SEMA6D: variants seen among roughly 807,000 people sequenced by gnomAD.
SEMA6D encodes semaphorin-6D.
In SEMA6D, 35 loss-of-function variants were observed where a neutral mutation model predicts 106.6. The observed-to-expected ratio is 0.33, with a 90% CI of 0.25 to 0.44. The LOEUF (loss-of-function observed/expected upper bound fraction) is 0.44. Among genes scored for constraint, SEMA6D ranks in the 20% least tolerant of loss-of-function variants. SEMA6D has a pLI of 1.00. For synonymous variants in SEMA6D, 499 were observed against 487.7 expected (o/e 1.02, Z -0.31); for missense variants, 1,185 against 1,345.9 (o/e 0.88, Z 1.87).
intron 1 of SEMA6D, among the ~76,000 whole-genome samples, chr15:47,741,001 CA>C: frequency 6.6e-6 from 1 of 152,194 alleles, no homozygotes; most frequent in African/African-American, 2.4e-5. Context: ...ATTTTTCTGA[CA>C]CAGTTACCTG....
chr15:47,438,760 G>A (rs1187417970), intron 2 of SEMA6D, among the ~76,000 whole-genome samples: 1 of 151,454 alleles, frequency 6.6e-6, no homozygotes, highest in Non-Finnish European at 1.5e-5. Flanking sequence ...TGCTTGTTCA[G>A]GTAATTTTCT....
chr15:47,190,269 A>T (rs1453601269), intron 1 of SEMA6D, among the ~76,000 whole-genome samples: 1 of 152,126 alleles, frequency 6.6e-6, no homozygotes, highest in Admixed American at 6.5e-5. Flanking sequence ...TTGAGTTTGA[A>T]CTCCAAGATT....
chr15:47,735,781 C>G (rs1457893246), intron 1 of SEMA6D, among the ~76,000 whole-genome samples: 1 of 152,158 alleles, frequency 6.6e-6, no homozygotes, highest in African/African-American at 2.4e-5. Context: ...GGGAGCTTTT[C>G]CGTAATGGTG....
At chr15:47,711,039 G>A (rs1005393901) in intron 4 of SEMA6D, among the ~76,000 whole-genome samples, 1 of 152,048 alleles carries the variant, frequency 6.6e-6, no homozygotes, top group African/African-American at 2.4e-5. Flanking sequence ...GCCGGGCGCG[G>A]TGGCTCACGC....
chr15:47,609,042 G>A (rs1181689550), intron 4 of SEMA6D, among the ~76,000 whole-genome samples: 1 of 152,062 alleles, frequency 6.6e-6, no homozygotes, highest in African/African-American at 2.4e-5. Context: ...TATATTCATT[G>A]AACTTACATA....
intron 1 of SEMA6D, among the ~76,000 whole-genome samples, chr15:47,304,009 G>T (rs1291154420): frequency 6.6e-6 from 1 of 152,166 alleles, no homozygotes; most frequent in East Asian, 1.9e-4. Context: ...CTGATCAAAT[G>T]TGGAGGGTGT....
chr15:47,718,724 T>G (rs549131272), intron 1 of SEMA6D: 1 of 152,370 alleles, frequency 6.6e-6, no homozygotes, highest in African/African-American at 2.4e-5. Context: ...ATGTGTTACG[T>G]TCTCATCTCC....
At chr15:47,240,253 G>A (rs2032822332) in intron 1 of SEMA6D, among the ~76,000 whole-genome samples, 2 of 152,122 alleles carry the variant, frequency 1.3e-5, no homozygotes, top group African/African-American at 4.8e-5. Context: ...AGACTTATAG[G>A]TTTTTGGCTT....
intron 4 of SEMA6D, among the ~76,000 whole-genome samples, chr15:47,651,617 GC>G (rs1158082858): frequency 1.3e-5 from 2 of 152,182 alleles, no homozygotes; most frequent in Non-Finnish European, 2.9e-5. Context: ...CACATACCCT[GC>G]CCCTGTTTTC....
At chr15:47,733,594 G>A (rs2080269501) in intron 1 of SEMA6D, among the ~76,000 whole-genome samples, 1 of 152,126 alleles carries the variant, frequency 6.6e-6, no homozygotes, top group Non-Finnish European at 1.5e-5. Flanking sequence ...TCCCAACTGT[G>A]CATCCTTGTG....
At chr15:47,247,805 A>G (rs78106502) in intron 1 of SEMA6D, among the ~76,000 whole-genome samples, 6,684 of 152,222 alleles carry the variant, frequency 0.044, 211 homozygotes, top group African/African-American at 0.085. Flanking sequence ...TCACTTTACC[A>G]TTTGTGAGAT....
chr15:47,400,845 A>G (rs1043423428), intron 1 of SEMA6D, among the ~76,000 whole-genome samples: 3 of 152,356 alleles, frequency 2.0e-5, no homozygotes, highest in African/African-American at 7.2e-5. Flanking sequence ...TGAGTCTGAC[A>G]TCATGCTGTG....
intron 1 of SEMA6D, among the ~76,000 whole-genome samples, chr15:47,722,058 TGGCAACCTGTCCCA>T (rs1306277251): frequency 6.6e-6 from 1 of 152,228 alleles, no homozygotes; most frequent in Non-Finnish European, 1.5e-5. Flanking sequence ...TTCCATTGTT[TGGCAACCTGTCCCA>T]GGCCCCTCAT....
chr15:47,436,934 A>C (rs1310649821), intron 2 of SEMA6D, among the ~76,000 whole-genome samples: 2 of 147,628 alleles, frequency 1.4e-5, no homozygotes, highest in Non-Finnish European at 3.0e-5. Context: ...ATTCTGTTTC[A>C]GAAAAAAAAA....
chr15:47,644,103 T>TTTCTGTC (rs2077538198), intron 4 of SEMA6D, among the ~76,000 whole-genome samples: 1 of 152,176 alleles, frequency 6.6e-6, no homozygotes, highest in Non-Finnish European at 1.5e-5. Flanking sequence ...ATCTTAGTCT[T>TTTCTGTC]TTCTGTCTTA....
intron 2 of SEMA6D, among the ~76,000 whole-genome samples, chr15:47,463,508 A>G (rs540425724): frequency 4.6e-4 from 70 of 152,294 alleles, no homozygotes; most frequent in Middle Eastern, 3.4e-3. Context: ...TTTGCAATGT[A>G]TTTCCAAAGA....
At chr15:47,375,424 G>A (rs895026352) in intron 1 of SEMA6D, among the ~76,000 whole-genome samples, 1 of 151,646 alleles carries the variant, frequency 6.6e-6, no homozygotes, top group Non-Finnish European at 1.5e-5. Context: ...TCTTTTCAAA[G>A]TCTCCTCCTC....
intron 1 of SEMA6D, among the ~76,000 whole-genome samples, chr15:47,409,957 A>G (rs2040731265): frequency 6.6e-6 from 1 of 152,012 alleles, no homozygotes; most frequent in African/African-American, 2.4e-5. Flanking sequence ...GCAACACTTT[A>G]TTTCTGAAAG....
intron 17 of SEMA6D, 68 bp downstream of exon 17, chr15:47,767,161 T>C (rs1186585316): frequency 4.8e-6 from 5 of 1,036,738 alleles, no homozygotes. Flanking sequence ...TTTCAGCCCC[T>C]TCTCCCCTCC....
Sources: gnomAD v4.1 joint callset for allele counts (sites outside exome capture counted in the v4.1 genomes callset) on GRCh38, gnomAD v4.1.1 for gene constraint, MANE v1.5 for transcripts, NCBI Gene and HGNC (gene_info 2026-07-23, HGNC 2026-07-21) for gene names.